LRRTM4: variants seen among roughly 807,000 people sequenced by gnomAD.
The protein encoded by LRRTM4 is leucine rich repeat transmembrane neuronal 4.
A neutral mutation model predicts 47.6 loss-of-function variants in LRRTM4; 25 were observed. The ratio of observed to expected loss-of-function variants is 0.53; its 90% CI spans 0.38 to 0.73. LRRTM4 has a LOEUF of 0.73. LRRTM4 is among the 30% of genes least tolerant of loss of function. The pLI, the probability that LRRTM4 is intolerant of heterozygous loss-of-function variation, is 0.00. For synonymous variants in LRRTM4, 311 were observed against 269.5 expected (o/e 1.15, Z -1.51); for missense variants, 638 against 713.4 (o/e 0.89, Z 1.20).
chr2:76,898,635 CAA>C (rs1673507014), intron 3 of LRRTM4, among the ~76,000 whole-genome samples: 1 of 148,102 alleles, frequency 6.8e-6, no homozygotes, highest in African/African-American at 2.5e-5. Context: ...GTCCTCTATT[CAA>C]ATATGCATTA....
chr2:77,060,439 AAG>A (rs1235862979), intron 3 of LRRTM4, among the ~76,000 whole-genome samples: 5 of 152,164 alleles, frequency 3.3e-5, no homozygotes, highest in Non-Finnish European at 7.4e-5. Flanking sequence ...TCTTTGTAAA[AAG>A]AGATTTAGGT....
At chr2:76,811,691 C>G (rs1391669502) in intron 3 of LRRTM4, among the ~76,000 whole-genome samples, 1 of 152,240 alleles carries the variant, frequency 6.6e-6, no homozygotes, top group Non-Finnish European at 1.5e-5. Flanking sequence ...GTATGTATGA[C>G]TTGTGCACCC....
intron 3 of LRRTM4, among the ~76,000 whole-genome samples, chr2:76,941,680 T>C (rs1348478606): frequency 6.6e-6 from 1 of 152,198 alleles, no homozygotes; most frequent in East Asian, 1.9e-4. Context: ...CCATGGTGTA[T>C]ATGTGCCACA....
intron 3 of LRRTM4, among the ~76,000 whole-genome samples, chr2:76,816,627 A>T (rs12616803): frequency 2.6e-5 from 4 of 151,750 alleles, no homozygotes; most frequent in African/African-American, 9.7e-5. Flanking sequence ...ATAATCAGCC[A>T]CTATTACATA....
At chr2:76,841,904 C>G (rs1432869980) in intron 3 of LRRTM4, among the ~76,000 whole-genome samples, 1 of 152,090 alleles carries the variant, frequency 6.6e-6, no homozygotes, top group Non-Finnish European at 1.5e-5. Context: ...GTCAGTGAAG[C>G]TATGGGACAA....
At chr2:77,187,793 T>G (rs1197375659) in intron 3 of LRRTM4, among the ~76,000 whole-genome samples, 1 of 151,916 alleles carries the variant, frequency 6.6e-6, no homozygotes, top group Non-Finnish European at 1.5e-5. Context: ...AATATATTCT[T>G]TACACAAGCA....
At chr2:76,799,679 A>C (rs1272025244) in intron 3 of LRRTM4, among the ~76,000 whole-genome samples, 1 of 131,622 alleles carries the variant, frequency 7.6e-6, no homozygotes, top group African/African-American at 3.1e-5. Flanking sequence ...TTTGCGGATG[A>C]CATGATTGTA....
chr2:77,126,613 G>C (rs1356052504), intron 3 of LRRTM4, among the ~76,000 whole-genome samples: 1 of 152,136 alleles, frequency 6.6e-6, no homozygotes, highest in Admixed American at 6.5e-5. Flanking sequence ...ACTTTATATG[G>C]ATTTCTCTCA....
intron 3 of LRRTM4, among the ~76,000 whole-genome samples, chr2:77,022,605 G>T (rs193072009): frequency 5.0e-4 from 76 of 152,276 alleles, no homozygotes; most frequent in Non-Finnish European, 8.8e-4. Flanking sequence ...GGGAGAAATT[G>T]TCCAAAACAA....
At chr2:77,389,812 T>A (rs567283824) in intron 3 of LRRTM4, among the ~76,000 whole-genome samples, 4 of 152,182 alleles carry the variant, frequency 2.6e-5, no homozygotes, top group African/African-American at 9.6e-5. Flanking sequence ...TCCTCCTTCC[T>A]TCCCTTCCTT....
chr2:76,769,744 G>A lies in LRRTM4; in HGVS notation c.1552-20828C>T, dbSNP rs140240414. Among the ~76,000 whole-genome samples, 619 of 152,174 alleles carry A rather than the reference G, an allele frequency of 4.1e-3. 10 individuals carry two copies. The South Asian group carries it at 0.05, about 12-fold the overall frequency. The stretch of plus-strand genomic sequence containing the variant: ...ATGACTCGTATTTATATTAAAGTTT[G>A]TGAAGCACTGCTTTACAGATCAGTT... On this transcript the variant is annotated intron_variant, in intron 3 of 3. Transcript: ENST00000409884.
intron 3 of LRRTM4, among the ~76,000 whole-genome samples, chr2:76,871,688 G>A (rs1308908659): frequency 6.6e-6 from 1 of 152,182 alleles, no homozygotes; most frequent in Non-Finnish European, 1.5e-5. Flanking sequence ...ATGATGGGAT[G>A]TAACTTTCCC....
intron 3 of LRRTM4, among the ~76,000 whole-genome samples, chr2:77,225,069 A>G (rs181821681): frequency 1.7e-3 from 259 of 152,142 alleles, no homozygotes; most frequent in African/African-American, 6.1e-3. Flanking sequence ...TTGTAGGGAC[A>G]TGGATGAAGC....
intron 3 of LRRTM4, among the ~76,000 whole-genome samples, chr2:77,068,957 G>C (rs1228718820): frequency 6.6e-6 from 1 of 151,840 alleles, no homozygotes; most frequent in African/African-American, 2.4e-5. Context: ...TGTGCCTTAA[G>C]GGCATGTTCC....
intron 3 of LRRTM4, among the ~76,000 whole-genome samples, chr2:77,036,455 T>C (rs182076515): frequency 2.6e-5 from 4 of 151,800 alleles, no homozygotes; most frequent in Non-Finnish European, 5.9e-5. Context: ...AGGATCTTGC[T>C]CAGATATCTC....
chr2:76,795,549 G>GTATATGCATATATACATGTGCATA (rs1675244127), intron 3 of LRRTM4, among the ~76,000 whole-genome samples: 2 of 150,834 alleles, frequency 1.3e-5, no homozygotes, highest in African/African-American at 4.9e-5. Context: ...GCATATACAT[G>GTATATGCATATATACATGTGCATA]TATATGCATA....
intron 3 of LRRTM4, among the ~76,000 whole-genome samples, chr2:76,837,844 C>A (rs541477024): frequency 6.6e-5 from 10 of 151,928 alleles, no homozygotes; most frequent in Admixed American, 5.9e-4. Flanking sequence ...GGACAAAAAA[C>A]CAAACACCGC....
intron 3 of LRRTM4, among the ~76,000 whole-genome samples, chr2:76,909,156 A>G (rs937080517): frequency 7.2e-5 from 11 of 152,222 alleles, no homozygotes; most frequent in African/African-American, 2.4e-4. Context: ...ATATAGATCA[A>G]TGGAACAGAA....
At chr2:77,184,418 C>T (rs1673442717) in intron 3 of LRRTM4, among the ~76,000 whole-genome samples, 1 of 152,040 alleles carries the variant, frequency 6.6e-6, no homozygotes, top group African/African-American at 2.4e-5. Flanking sequence ...ACAGAAACAG[C>T]TAATTGAAAA....
Sources: gnomAD v4.1 joint callset for allele counts (sites outside exome capture counted in the v4.1 genomes callset) on GRCh38, gnomAD v4.1.1 for gene constraint, MANE v1.5 for transcripts, NCBI Gene and HGNC (gene_info 2026-07-23, HGNC 2026-07-21) for gene names.